TMOD1: variants seen among roughly 807,000 people sequenced by gnomAD.
TMOD1 encodes the protein tropomodulin-1.
A neutral mutation model predicts 40.6 loss-of-function variants in TMOD1; 17 were observed. The observed-to-expected ratio is 0.42, with a 90% confidence interval of 0.29 to 0.63. The LOEUF (loss-of-function observed/expected upper bound fraction) is 0.63, where lower values mean the gene tolerates loss of function less well. Among genes scored for constraint, TMOD1 ranks in the 20% least tolerant of loss-of-function variants. The probability of loss-of-function intolerance (pLI) is 0.22; values close to 1 mark genes in which losing one functional copy is unlikely to be tolerated. For missense variants in TMOD1, 391 were observed against 447.6 expected (o/e 0.87, Z 1.14); for synonymous variants, 181 against 175.0 (o/e 1.03, Z -0.27).
chr9:97,571,559 C>A (rs1830818177), intron 8 of TMOD1, among the ~76,000 whole-genome samples: 1 of 152,252 alleles, frequency 6.6e-6, no homozygotes, highest in East Asian at 1.9e-4. Context: ...CAAAACCATA[C>A]TGGGTACTTT....
rs547099506 is a variant in TMOD1, at chr9:97,545,614, G to A, written c.121-571G>A. Among the ~76,000 whole-genome samples the A allele has an allele frequency of 8.1e-4, 123 of 152,294 alleles. 1 individual carries two copies. The highest frequency in any genetic ancestry group is 1.5e-3 in the Non-Finnish European group (101 of 68,020). On this transcript the variant is annotated intron_variant, in intron 2 of 9. Transcript: ENST00000259365. ...GGACTGTGGCCAGAGAGCATGCCCCGTCCTCCTCTTAGCTCTGCAGGGCAC... is the reference window on the plus strand; with the variant it reads ...GGACTGTGGCCAGAGAGCATGCCCCATCCTCCTCTTAGCTCTGCAGGGCAC...
chr9:97,525,669 C>A (rs540859914), intron 2 of TMOD1, among the ~76,000 whole-genome samples: 21 of 152,358 alleles, frequency 1.4e-4, no homozygotes, highest in African/African-American at 4.8e-4. Context: ...TAAGGGCTCT[C>A]CTGTATCCAG....
chr9:97,557,112 C>A lies in TMOD1; in HGVS notation c.397+3712C>A, dbSNP rs1405413578. ...GAGCCAGTCCTTGCCTTTGGGAGGC[C>A]CAGGAGGTGATGAGGAGGACAGACG... On this transcript the variant is annotated intron_variant, in intron 4 of 9. Transcript: ENST00000259365. This position sits in a 1 kb window ranked among gnomAD's most constrained non-coding sequence, Gnocchi z 4.4. Among the ~76,000 whole-genome samples, 1 of 152,094 alleles carries A rather than the reference C, an allele frequency of 6.6e-6. No individual in the cohort carries two copies. The highest frequency in any genetic ancestry group is 1.5e-5 in the Non-Finnish European group (1 of 67,998).
chr9:97,583,966 TA>T (rs1825812640), intron 8 of TMOD1, among the ~76,000 whole-genome samples: 1 of 152,134 alleles, frequency 6.6e-6, no homozygotes, highest in African/African-American at 2.4e-5. Context: ...CTGGATTCAT[TA>T]ATTTTTTGAA....
In TMOD1 at chr9:97,528,417, C is replaced by T. The variant is rs547857750; in HGVS notation, c.120+4109C>T. Among the ~76,000 whole-genome samples the T allele has an allele frequency of 1.6e-3, 249 of 152,284 alleles. 1 individual carries two copies. Among genetic ancestry groups the T allele is most frequent in the African/African-American group, 5.7e-3 (235 of 41,568 alleles). On this transcript the variant is annotated intron_variant, in intron 2 of 9. Transcript: ENST00000259365. Reference sequence around the variant, plus strand: ...TCCCAGTTGGCATTTTCAAAGACCCCTTTCTCTCTCAGTTCAAAGAAAAGA... The same window carrying T: ...TCCCAGTTGGCATTTTCAAAGACCCTTTTCTCTCTCAGTTCAAAGAAAAGA...
chr9:97,509,537 G>T (rs1290748179), intron 1 of TMOD1, among the ~76,000 whole-genome samples: 1 of 141,128 alleles, frequency 7.1e-6, no homozygotes, highest in African/African-American at 2.6e-5. Context: ...TTTAGACAAG[G>T]TCTCACTCTT....
intron 1 of TMOD1, chr9:97,516,308 G>C (rs1829807548): frequency 6.6e-6 from 1 of 152,346 alleles, no homozygotes; most frequent in Non-Finnish European, 1.5e-5. Flanking sequence ...GAGATGTGGG[G>C]AGTCCCAGTC....
intron 2 of TMOD1, among the ~76,000 whole-genome samples, chr9:97,535,438 T>A (rs887480432): frequency 6.6e-5 from 10 of 152,136 alleles, no homozygotes; most frequent in African/African-American, 2.4e-4. Flanking sequence ...CTGCACTCCC[T>A]CTCTTCACCT....
intron 1 of TMOD1, among the ~76,000 whole-genome samples, chr9:97,515,340 C>T (rs1383940446): frequency 7.9e-5 from 12 of 152,180 alleles, no homozygotes; most frequent in Admixed American, 7.9e-4. Flanking sequence ...AGTGCAATGG[C>T]ATGATCTTGG....
intron 4 of TMOD1, among the ~76,000 whole-genome samples, chr9:97,555,176 G>A (rs906816961): frequency 6.6e-6 from 1 of 152,226 alleles, no homozygotes; most frequent in Non-Finnish European, 1.5e-5. Flanking sequence ...TCTGTCAGAA[G>A]CCACACGAGT....
At chr9:97,587,646 G>T (rs575666994) in intron 8 of TMOD1, among the ~76,000 whole-genome samples, 1 of 151,806 alleles carries the variant, frequency 6.6e-6, no homozygotes, top group South Asian at 2.1e-4. Context: ...AAAATTCAGT[G>T]GGTTTTGATG....
rs778501022 is a variant in TMOD1 at position 97,592,392 on chromosome 9, ATTC to A, written c.1015+960_1015+962del. ...GCAGGAAGCCAAGCCAAGTTACATT[ATTC>A]TTATCACAGAAGGGAAGGAAGCATA... On this transcript the variant is annotated intron_variant, in intron 9 of 9. Transcript: ENST00000259365. 1.6e-3 allele frequency among the ~76,000 whole-genome samples: 239 copies of A among 152,016 alleles called. 1 individual carries two copies. The highest frequency in any genetic ancestry group is 1.1e-3 in the Non-Finnish European group (78 of 67,980).
chr9:97,580,618 AAGAG>A (rs1371233222), intron 8 of TMOD1, among the ~76,000 whole-genome samples: 1 of 150,112 alleles, frequency 6.7e-6, no homozygotes, highest in Non-Finnish European at 1.5e-5. Context: ...AAAAGAAAGA[AAGAG>A]AGGAAGGAAG....
intron 4 of TMOD1, among the ~76,000 whole-genome samples, chr9:97,555,887 C>T (rs368958822): frequency 6.6e-6 from 1 of 152,276 alleles, no homozygotes; most frequent in South Asian, 2.1e-4. Flanking sequence ...AGCATCATCA[C>T]CCAGTGTCAC....
At chr9:97,505,017 G>A (rs1829571166) in intron 1 of TMOD1, among the ~76,000 whole-genome samples, 1 of 152,132 alleles carries the variant, frequency 6.6e-6, no homozygotes, top group African/African-American at 2.4e-5. Flanking sequence ...CCTCTCTTTT[G>A]TTTTGTTTTG....
intron 7 of TMOD1, among the ~76,000 whole-genome samples, chr9:97,567,560 G>A (rs1830747203): frequency 6.6e-6 from 1 of 152,234 alleles, no homozygotes; most frequent in Non-Finnish European, 1.5e-5. Context: ...AGTTGGATCA[G>A]CCTAGCAGGT....
chr9:97,559,542 G>T (rs1476967220), intron 4 of TMOD1, among the ~76,000 whole-genome samples: 1 of 151,158 alleles, frequency 6.6e-6, no homozygotes, highest in Non-Finnish European at 1.5e-5. Context: ...AGACAGGCGG[G>T]TTACTTGAGG....
rs186657350 is a variant in TMOD1 at position 97,549,683 on chromosome 9, G to T, written c.277+3342G>T. Among the ~76,000 whole-genome samples, 256 of 152,240 alleles carry T rather than the reference G, an allele frequency of 1.7e-3. 3 individuals are homozygous for T. Among genetic ancestry groups the T allele is most frequent in the Non-Finnish European group, 2.5e-3 (171 of 68,036 alleles). On this transcript the variant is annotated intron_variant, in intron 3 of 9. Transcript: ENST00000259365. ...AACAGTTTACACAATAAAGCTAATT[G>T]ATTCACAATCATTTCCTCACTGAAA...
Position 97,599,890 on chromosome 9 carries a change from T to C in TMOD1, c.*192T>C. 1 of 1,370,768 alleles carries C rather than the reference T, an allele frequency of 7.3e-7. No homozygotes were observed. The highest frequency in any genetic ancestry group is 9.5e-7 in the Non-Finnish European group (1 of 1,056,382). The allele number at this position is 1,370,768 out of a possible 1,614,324, so 84.9% of individuals were successfully genotyped here. A position where few individuals can be genotyped will look rare whatever the true frequency, so the allele number is the denominator to read the frequency against. ...TATAAAATACCGTTAATGTGAAGTT[T>C]TTCTTTAGTCACAGAAGTTGAATCT... On this transcript the variant is annotated 3_prime_UTR_variant, in exon 10 of 10. Transcript: ENST00000259365.
Sources: gnomAD v4.1 joint callset for allele counts (sites outside exome capture counted in the v4.1 genomes callset) on GRCh38, gnomAD v4.1.1 for gene constraint, Gnocchi (gnomAD v3.1) non-coding constraint, MANE v1.5 for transcripts, NCBI Gene and HGNC (gene_info 2026-07-23, HGNC 2026-07-21) for gene names.